The following PCNX2 variants were observed in gnomAD, a reference collection of about 807,000 sequenced individuals.
PCNX2 encodes pecanex-like protein 2.
PCNX2 carries 168 observed loss-of-function variants against 223.8 expected under a neutral mutation model. The observed-to-expected ratio is 0.75, with a 90% confidence interval of 0.66 to 0.85. The LOEUF is 0.85. Among genes scored for constraint, PCNX2 ranks in the 40% least tolerant of loss-of-function variants. The pLI is 0.00. For missense variants in PCNX2, 2,507 were observed against 2,675.5 expected, an observed-to-expected ratio of 0.94 and a Z score of 1.39; for synonymous variants, 1,006 against 1,052.6, an observed-to-expected ratio of 0.96 and a Z score of 0.86.
intron 12 of PCNX2, among the ~76,000 whole-genome samples, chr1:233,215,433 C>T (rs919986087): frequency 3.9e-5 from 6 of 152,182 alleles, no homozygotes; most frequent in Admixed American, 3.9e-4. Context: ...ATATGACATG[C>T]TTGCTCAGAT....
intron 28 of PCNX2, among the ~76,000 whole-genome samples, chr1:233,002,422 T>TA (rs1305914160): frequency 3.3e-5 from 5 of 151,946 alleles, no homozygotes; most frequent in African/African-American, 1.2e-4. Context: ...ACAAAGAGAA[T>TA]AAAATACCTA....
At chr1:233,145,867 G>A (rs191917005) in intron 19 of PCNX2, among the ~76,000 whole-genome samples, 33 of 152,214 alleles carry the variant, frequency 2.2e-4, no homozygotes, top group Admixed American at 1.4e-3. Flanking sequence ...CTCTACTGAC[G>A]TCCCATGTAT....
intron 24 of PCNX2, among the ~76,000 whole-genome samples, chr1:233,055,667 T>C (rs1392719167): frequency 6.6e-6 from 1 of 152,102 alleles, no homozygotes; most frequent in African/African-American, 2.4e-5. Context: ...TAGCTTTTCT[T>C]TGGGAGAGGA....
intron 17 of PCNX2, among the ~76,000 whole-genome samples, chr1:233,169,462 C>T (rs1448320388): frequency 7.9e-5 from 12 of 151,538 alleles, no homozygotes; most frequent in South Asian, 2.1e-4. Flanking sequence ...CTGGCTAACA[C>T]GGTGAAACCC....
intron 21 of PCNX2, among the ~76,000 whole-genome samples, chr1:233,124,361 C>T (rs757663546): frequency 6.6e-5 from 10 of 151,896 alleles, no homozygotes; most frequent in East Asian, 1.9e-4. Context: ...TCCAGAATTA[C>T]GAAAAAGATC....
chr1:233,044,357 T>A (rs1447051159), intron 25 of PCNX2, among the ~76,000 whole-genome samples: 2 of 152,208 alleles, frequency 1.3e-5, no homozygotes, highest in Non-Finnish European at 2.9e-5. Flanking sequence ...ATTTTGTAGG[T>A]TGCCTGTTCA....
intron 17 of PCNX2, among the ~76,000 whole-genome samples, chr1:233,167,376 T>C (rs916776804): frequency 5.3e-5 from 8 of 150,668 alleles, no homozygotes; most frequent in Non-Finnish European, 1.0e-4. Context: ...CATACAGAGA[T>C]AGAGAATAAA....
the PCNX2 span, among the ~76,000 whole-genome samples, chr1:233,324,536 C>T: frequency 6.6e-6 from 1 of 151,834 alleles, no homozygotes; most frequent in Non-Finnish European, 1.5e-5. Context: ...CTGCTTGTGC[C>T]ATATCAATGG....
At position 233,263,179 on chromosome 1, in the gene PCNX2, GAC is replaced by G. The variant is rs202218278; in HGVS notation, c.154-18_154-17del. ...GAGGAAAAGCCTGAAGAAAGGAAAA[GAC>G]AGAGAAAAATCATTTGCTTTTAAGA... On this transcript the variant is annotated splice_polypyrimidine_tract_variant and intron_variant, in intron 1 of 33. Coordinates refer to ENST00000258229, the MANE Select transcript of PCNX2 (RefSeq NM_014801.4). 3 of 1,546,186 alleles carry G rather than the reference GAC, an allele frequency of 1.9e-6. No homozygotes were observed. Among genetic ancestry groups the G allele is most frequent in the Admixed American group, 1.9e-5 (1 of 53,186 alleles).
intron 12 of PCNX2, among the ~76,000 whole-genome samples, chr1:233,215,320 A>T (rs1682059843): frequency 6.6e-6 from 1 of 152,182 alleles, no homozygotes; most frequent in South Asian, 2.1e-4. Context: ...CTCAAATCAG[A>T]GACTAATCTA....
At chr1:233,110,634 T>G (rs1675061116) in intron 21 of PCNX2, among the ~76,000 whole-genome samples, 1 of 152,120 alleles carries the variant, frequency 6.6e-6, no homozygotes, top group Non-Finnish European at 1.5e-5. Context: ...TTAGAAATTT[T>G]TAATTGCTCT....
Position 233,131,079 on chromosome 1 carries a change from G to A in PCNX2, c.3837+3934C>T, listed in dbSNP as rs139084391. Among the ~76,000 whole-genome samples, 771 of 152,264 alleles carry A rather than the reference G, an allele frequency of 5.1e-3. 6 individuals carry two copies. The highest frequency in any genetic ancestry group is 0.016 in the African/African-American group (660 of 41,556). ...TATATTTGGGCAGCTCCTTTCTTCCGAGGAAACTGAGTGCCCATCCAAATC... is the reference window on the plus strand; with the variant it reads ...TATATTTGGGCAGCTCCTTTCTTCCAAGGAAACTGAGTGCCCATCCAAATC... On this transcript the variant is annotated intron_variant, in intron 21 of 33. Coordinates refer to ENST00000258229, the MANE Select transcript of PCNX2 (RefSeq NM_014801.4).
intron 21 of PCNX2, among the ~76,000 whole-genome samples, chr1:233,122,869 G>A (rs1198471499): frequency 6.6e-6 from 1 of 152,064 alleles, no homozygotes; most frequent in Admixed American, 6.6e-5. Context: ...GACCTACATG[G>A]TCTTCCTCCC....
At chr1:233,306,866 T>A in the PCNX2 span, among the ~76,000 whole-genome samples, 4 of 152,250 alleles carry the variant, frequency 2.6e-5, no homozygotes, top group Non-Finnish European at 5.9e-5. Context: ...TTTACCTGGC[T>A]CATGATTACA....
chr1:233,053,338 C>A (rs1190906630), intron 25 of PCNX2, among the ~76,000 whole-genome samples: 1 of 152,076 alleles, frequency 6.6e-6, no homozygotes, highest in Non-Finnish European at 1.5e-5. Flanking sequence ...GGACATTCTT[C>A]CTCCTGCTCT....
At chr1:233,227,162 C>T in intron 10 of PCNX2, 64 bp downstream of exon 10, 8 of 1,486,324 alleles carry the variant, frequency 5.4e-6, no homozygotes, top group Non-Finnish European at 5.4e-6. Context: ...TGAAAGCATG[C>T]AGTGGGCACT....
chr1:233,263,098 T>A lies in PCNX2; in HGVS notation c.219A>T (p.Ile73=). The A allele has an allele frequency of 6.2e-7, 1 of 1,613,330 alleles. No homozygotes were observed. The highest frequency in any genetic ancestry group is 2.2e-5 in the East Asian group (1 of 44,812). ...GTAGGCGATAACTGACCAGTTTGAT[T>A]ATTGTGAAGAATATAGTCACTGCAC... ...YCSAVTIFFT[I]IKLVSYRLHL... The change falls in exon 2 of 34, where the codon ATA becomes ATT. Residue 73 remains isoleucine, a synonymous_variant. Coordinates refer to ENST00000258229, the MANE Select transcript of PCNX2 (RefSeq NM_014801.4).
At position 233,099,864 on chromosome 1, in the gene PCNX2, G is replaced by C. The variant is rs560419448; in HGVS notation, c.3838-4001C>G. Among the ~76,000 whole-genome samples, 5 of 152,206 alleles carry C rather than the reference G, an allele frequency of 3.3e-5. No individual in the cohort carries two copies. In the South Asian group the frequency reaches 1.0e-3, roughly 32 times the overall value. On this transcript the variant is annotated intron_variant, in intron 21 of 33. Coordinates refer to ENST00000258229, the MANE Select transcript of PCNX2 (RefSeq NM_014801.4). ...CAACACCTTTCCAGTAAGCAGGGCC[G>C]CAAGCACTATAATATTGTATTGAAG...
At chr1:233,272,819 A>C (rs1660712777) in intron 1 of PCNX2, among the ~76,000 whole-genome samples, 1 of 152,258 alleles carries the variant, frequency 6.6e-6, no homozygotes. Context: ...TCAGCCATAA[A>C]AAGGAATGAA....
Sources: gnomAD v4.1 joint callset for allele counts (sites outside exome capture counted in the v4.1 genomes callset) on GRCh38, gnomAD v4.1.1 for gene constraint, MANE v1.5 for transcripts, NCBI Gene and HGNC (gene_info 2026-07-23, HGNC 2026-07-21) for gene names.